The following PLEKHO1 variants were observed in gnomAD, a reference collection of about 807,000 sequenced individuals.
The protein encoded by PLEKHO1 is pleckstrin homology domain-containing family O member 1.
PLEKHO1 carries 22 observed loss-of-function variants against 41.4 expected under a neutral mutation model. The observed-to-expected ratio is 0.53, with a 90% confidence interval of 0.38 to 0.76. The LOEUF (loss-of-function observed/expected upper bound fraction) is 0.76. PLEKHO1 is among the 30% of genes least tolerant of loss of function. PLEKHO1 has a pLI of 0.00. For missense variants in PLEKHO1, 488 were observed against 518.3 expected, an observed-to-expected ratio of 0.94 and a Z score of 0.57; for synonymous variants, 225 against 210.8, an observed-to-expected ratio of 1.07 and a Z score of -0.58.
In PLEKHO1 at chr1:150,159,573, G is replaced by A. The variant is rs1280133279; in HGVS notation, c.*50G>A. ...TCGGGTTGGACAGACTCTTATCTCC[G>A]TGTTGCTGGATAAAGCTTTTTTATT... On this transcript the variant is annotated 3_prime_UTR_variant, in exon 6 of 6. Coordinates refer to ENST00000369124, the MANE Select transcript of PLEKHO1 (RefSeq NM_016274.6). 7.3e-6 allele frequency: 9 copies of A among 1,233,964 alleles called. No individual in the cohort carries two copies. Among genetic ancestry groups the A allele is most frequent in the Admixed American group, 5.4e-5 (2 of 36,892 alleles). The allele number at this position is 1,233,964 out of a possible 1,614,324, so 76.4% of individuals were successfully genotyped here.
intron 1 of PLEKHO1, among the ~76,000 whole-genome samples, 154 bp downstream of exon 1, chr1:150,150,441 G>T (rs1433764586): frequency 2.0e-5 from 3 of 150,266 alleles, no homozygotes; most frequent in Non-Finnish European, 4.4e-5. Flanking sequence ...CCAGGCGCCC[G>T]CGGGGGCTTT....
chr1:150,151,139 C>A, intron 2 of PLEKHO1, 81 bp downstream of exon 2: 1 of 1,525,386 alleles, frequency 6.6e-7, no homozygotes, highest in Non-Finnish European at 9.0e-7. Flanking sequence ...TAGCTTACTC[C>A]ACCCCCGTTT....
rs782523551 is a variant in PLEKHO1, at chr1:150,159,406, G to A, written c.1113G>A (p.Arg371=). 9 of 1,614,108 alleles carry A rather than the reference G, an allele frequency of 5.6e-6. No homozygotes were observed. In the Admixed American group the frequency reaches 1.3e-4, roughly 24 times the overall value. Residue 371 remains arginine (R), a synonymous_variant, in exon 6 of 6, where the codon AGG becomes AGA. Transcript: ENST00000369124. ...CATCGAATTGGAGCCAGGCAAAGAG[G>A]GTGCTGCAGGAGGTCAGGGAGCTGA... is the stretch of plus-strand genomic sequence containing the variant. ...EASSNWSQAK[R]VLQEVRELRD...
chr1:150,157,538 A>G, intron 5 of PLEKHO1, 52 bp downstream of exon 5: 1 of 1,286,820 alleles, frequency 7.8e-7, no homozygotes, highest in Non-Finnish European at 1.1e-6. Context: ...GTGTCAGTCC[A>G]TCTCAGACAG....
chr1:150,157,550 A>T (rs1660225986), intron 5 of PLEKHO1, 64 bp downstream of exon 5: 1 of 1,152,980 alleles, frequency 8.7e-7, no homozygotes. Flanking sequence ...CTCAGACAGA[A>T]CTGTATGCCA....
Position 150,158,862 on chromosome 1 carries a change from T to C in PLEKHO1, c.569T>C (p.Ile190Thr). Reference sequence around the variant, plus strand: ...GATGGGATGCTGACCTTGGACTTGATCCAAGAGGAAGACCCTTCCCCTGAG... The same window carrying C: ...GATGGGATGCTGACCTTGGACTTGACCCAAGAGGAAGACCCTTCCCCTGAG... ...TSDGMLTLDL[I>T]QEEDPSPEEP... is the part of the protein sequence containing the mutation. Residue 190 changes from isoleucine to threonine, a missense_variant, in exon 6 of 6, where the codon ATC (isoleucine) becomes ACC (threonine). This residue lies in a region of PLEKHO1 where 337 missense variants were observed against 324.6 expected (regional missense o/e 1.04). Transcript: ENST00000369124. The C allele has an allele frequency of 6.2e-7, 1 of 1,613,256 alleles. No individual in the cohort carries two copies. The highest frequency in any genetic ancestry group is 8.5e-7 in the Non-Finnish European group (1 of 1,179,340).
Position 150,159,214 on chromosome 1 carries a change from G to A in PLEKHO1, c.921G>A (p.Arg307=). ...PALPNPGQLS[R]IQDLVARKLE... ...TCCCCAACCCGGGGCAGCTGTCCCG[G>A]ATCCAGGACCTGGTAGCAAGGAAAC... is the stretch of plus-strand genomic sequence containing the variant. Residue 307 remains arginine, a synonymous_variant, in exon 6 of 6, where the codon CGG becomes CGA. Transcript: ENST00000369124. The A allele has an allele frequency of 6.2e-7, 1 of 1,614,116 alleles. No individual in the cohort carries two copies. Among genetic ancestry groups the A allele is most frequent in the South Asian group, 1.1e-5 (1 of 91,082 alleles).
intron 1 of PLEKHO1, chr1:150,150,701 G>C (rs1024172461): frequency 3.7e-6 from 2 of 547,690 alleles, no homozygotes; most frequent in Admixed American, 3.2e-5. Context: ...TGCAGCCCCG[G>C]TTGTTTATTC....
At chr1:150,154,202 T>C (rs1490843449) in intron 2 of PLEKHO1, 2 of 152,336 alleles carry the variant, frequency 1.3e-5, no homozygotes, top group African/African-American at 4.8e-5. Context: ...GTTTCTGGGC[T>C]CTGCTGATAG....
chr1:150,158,897 T>C lies in PLEKHO1; in HGVS notation c.604T>C (p.Ser202Pro). The change falls in exon 6 of 6, where the codon TCT becomes CCT. Residue 202 changes from serine to proline, a missense_variant. Ser to Pro is a moderately conservative substitution (Grantham distance 74, BLOSUM62 -1). Around this residue, in one of 3 missense-constraint regions of PLEKHO1, gnomAD observed 337 missense variants for 324.6 expected, o/e 1.04. Coordinates refer to ENST00000369124, the MANE Select transcript of PLEKHO1 (RefSeq NM_016274.6). ...AGACCCTTCCCCTGAGGAACCAACC[T>C]CTTGTGCTGAGAGCTTTCGGGTTGA... ...EEDPSPEEPT[S>P]CAESFRVDLD... 1 of 1,613,894 alleles carries C rather than the reference T, an allele frequency of 6.2e-7. No individual in the cohort carries two copies. Among genetic ancestry groups the C allele is most frequent in the Non-Finnish European group, 8.5e-7 (1 of 1,179,950 alleles).
chr1:150,156,284 T>C, intron 3 of PLEKHO1, 78 bp downstream of exon 3: 1 of 1,234,320 alleles, frequency 8.1e-7, no homozygotes, highest in Non-Finnish European at 1.2e-6. Context: ...TTCCCCTCAG[T>C]TTCTCTCTCA....
At position 150,150,041 on chromosome 1, in the gene PLEKHO1, G is replaced by GT. The variant is rs1399941211; in HGVS notation, c.-216dup. 2.3e-4 allele frequency: 36 copies of GT among 157,272 alleles called. No homozygotes were observed. Among genetic ancestry groups the GT allele is most frequent in the Non-Finnish European group, 3.4e-4 (25 of 72,520 alleles). The allele number at this position is 157,272 out of a possible 1,614,324, so 9.7% of individuals were successfully genotyped here. ...GCCAAGGGGCGGGGAGCGGGCGTGC[G>GT]TGTGTGTGCGAGTGCGAATGCGAGG... On this transcript the variant is annotated 5_prime_UTR_variant, in exon 1 of 6. An upstream open reading frame in the 5' UTR gains an earlier in-frame stop. Transcript: ENST00000369124.
In PLEKHO1 at chr1:150,156,906, C is replaced by T; in HGVS notation, c.319-5C>T. 6.3e-7 allele frequency: 1 copy of T among 1,597,024 alleles called. No individual in the cohort carries two copies. Among genetic ancestry groups the T allele is most frequent in the South Asian group, 1.1e-5 (1 of 90,722 alleles). On this transcript the variant is annotated splice_polypyrimidine_tract_variant and splice_region_variant and intron_variant, in intron 3 of 5. Transcript: ENST00000369124. ...CTGGCTGAAACAGGAATCTTCCCCT[C>T]ACAGGCACCCAACCTGATCTTCCTG...
At chr1:150,158,133 G>A (rs1469456608) in intron 5 of PLEKHO1, among the ~76,000 whole-genome samples, 1 of 152,176 alleles carries the variant, frequency 6.6e-6, no homozygotes, top group East Asian at 1.9e-4. Flanking sequence ...TTTATTATAA[G>A]GCAAGGGGGC....
chr1:150,152,688 T>TAAAAAAAAAAAAA (rs1407877862), intron 2 of PLEKHO1: 10 of 74,064 alleles, frequency 1.4e-4, no homozygotes, highest in Admixed American at 1.9e-4. Flanking sequence ...CTTTCTAAAT[T>TAAAAAAAAAAAAA]AAAAAAAAAA....
Position 150,158,921 on chromosome 1 carries a change from G to A in PLEKHO1, c.628G>A (p.Asp210Asn). The change falls in exon 6 of 6, where the codon GAC becomes AAC. Residue 210 changes from aspartate (D) to asparagine (N), a missense_variant. By Grantham distance (23) the Asp-to-Asn change is conservative. This residue lies in a region of PLEKHO1 where 337 missense variants were observed against 324.6 expected (regional missense o/e 1.04). Transcript: ENST00000369124. ...PTSCAESFRV[D>N]LDKSVAQLAG... ...CTCTTGTGCTGAGAGCTTTCGGGTT[G>A]ACCTGGACAAGTCTGTGGCCCAGCT... 1 of 1,614,106 alleles carries A rather than the reference G, an allele frequency of 6.2e-7. No homozygotes were observed. Among genetic ancestry groups the A allele is most frequent in the Non-Finnish European group, 8.5e-7 (1 of 1,180,010 alleles).
In PLEKHO1 at chr1:150,157,382, C is replaced by T. The variant is rs112451119; in HGVS notation, c.424-3C>T. ...ACTCATGATTCACAGTACATCTCTT[C>T]AGGTCACCGTTGAGGAGGACAGCTA... On this transcript the variant is annotated splice_polypyrimidine_tract_variant and splice_region_variant and intron_variant, in intron 4 of 5. Transcript: ENST00000369124. 2 of 1,609,560 alleles carry T rather than the reference C, an allele frequency of 1.2e-6. No homozygotes were observed. Among genetic ancestry groups the T allele is most frequent in the East Asian group, 2.2e-5 (1 of 44,866 alleles).
At position 150,151,643 on chromosome 1, in the gene PLEKHO1, T is replaced by G. The variant is rs1453710658; in HGVS notation, c.177+585T>G. Among the ~76,000 whole-genome samples, 4 of 140,550 alleles carry G rather than the reference T, an allele frequency of 2.8e-5. No homozygotes were observed. The East Asian group carries it at 9.7e-4, about 34-fold the overall frequency. The allele number at this position is 140,550 out of a possible 152,430, so 92.2% of individuals were successfully genotyped here. ...TCTCTGTTCCCCACCCCCACCCCAT[T>G]TAAAAAAGGCAAGGAACCCATTTTC... On this transcript the variant is annotated intron_variant, in intron 2 of 5. Transcript: ENST00000369124.
chr1:150,151,545 G>A (rs1659929574), intron 2 of PLEKHO1, among the ~76,000 whole-genome samples: 1 of 152,160 alleles, frequency 6.6e-6, no homozygotes, highest in Admixed American at 6.5e-5. Context: ...GCACCCCGCC[G>A]TCAGGCCCCT....
Sources: allele counts gnomAD v4.1 joint callset (sites outside exome capture counted in the v4.1 genomes callset), GRCh38; gene constraint gnomAD v4.1.1; regional missense constraint gnomAD v4.1.1; transcripts MANE v1.5; gene names NCBI Gene and HGNC (gene_info 2026-07-23, HGNC 2026-07-21).